The following ARHGAP22 variants were observed in gnomAD, a reference collection of about 807,000 sequenced individuals.
The protein encoded by ARHGAP22 is Rho GTPase activating protein 22.
Under a neutral mutation model 59.1 loss-of-function variants are expected in ARHGAP22, and 48 were observed. The observed-to-expected ratio is 0.81, with a 90% CI of 0.64 to 1.03. The LOEUF (loss-of-function observed/expected upper bound fraction) is 1.03, where lower values mean the gene tolerates loss of function less well. Ranked by LOEUF, ARHGAP22 falls within the 50% of genes least tolerant of loss-of-function variation. The pLI is 0.00. For missense variants in ARHGAP22, 1,015 were observed against 958.7 expected, an observed-to-expected ratio of 1.06 and a Z score of -0.78; for synonymous variants, 445 against 416.4, an observed-to-expected ratio of 1.07 and a Z score of -0.84.
intron 1 of ARHGAP22, among the ~76,000 whole-genome samples, chr10:48,586,482 A>G (rs990597498): frequency 6.6e-6 from 1 of 152,156 alleles, no homozygotes; most frequent in Non-Finnish European, 1.5e-5. Flanking sequence ...TCCATGCAGA[A>G]TTTGTTTCCT....
intron 4 of ARHGAP22, among the ~76,000 whole-genome samples, chr10:48,468,916 A>G (rs2133931709): frequency 6.6e-6 from 1 of 152,232 alleles, no homozygotes; most frequent in South Asian, 2.1e-4. Context: ...GTCACAAGCC[A>G]AGGAATGTCT....
chr10:48,577,800 GGTTT>G (rs2058825674), intron 2 of ARHGAP22, among the ~76,000 whole-genome samples: 1 of 41,954 alleles, frequency 2.4e-5, no homozygotes, highest in Non-Finnish European at 4.0e-5. Flanking sequence ...GCTCTTTTTT[GGTTT>G]TTTTTTTTTT....
intron 3 of ARHGAP22, chr10:48,546,860 G>C (rs1237901481): frequency 1.3e-5 from 2 of 152,194 alleles, no homozygotes; most frequent in Admixed American, 1.3e-4. Context: ...AGCTTATCTA[G>C]ACCAGGTACC....
At chr10:48,490,381 G>C (rs1421050820) in intron 3 of ARHGAP22, among the ~76,000 whole-genome samples, 1 of 152,106 alleles carries the variant, frequency 6.6e-6, no homozygotes, top group Non-Finnish European at 1.5e-5. Context: ...CAGCATCCCT[G>C]ACCTCTGCCC....
chr10:48,641,896 A>G (rs568410880), intron 1 of ARHGAP22, among the ~76,000 whole-genome samples: 1 of 152,252 alleles, frequency 6.6e-6, no homozygotes, highest in African/African-American at 2.4e-5. Context: ...AAGTCTCAGG[A>G]TACAAAATCA....
At chr10:48,510,725 G>A (rs1209344143) in intron 3 of ARHGAP22, 1 of 152,262 alleles carries the variant, frequency 6.6e-6, no homozygotes, top group Non-Finnish European at 1.5e-5. Flanking sequence ...AAACTAAAAT[G>A]AAGTGAGGCA....
chr10:48,468,806 G>A (rs187037141), intron 4 of ARHGAP22, among the ~76,000 whole-genome samples: 25 of 152,242 alleles, frequency 1.6e-4, no homozygotes, highest in Admixed American at 1.5e-3. Context: ...TAAGTATGGG[G>A]GCTAAGGTCC....
intron 3 of ARHGAP22, among the ~76,000 whole-genome samples, chr10:48,485,487 G>C (rs1052790040): frequency 9.9e-5 from 15 of 152,178 alleles, no homozygotes; most frequent in Non-Finnish European, 1.5e-5. Context: ...GTTGGGTGGA[G>C]TGTCCTATAA....
the ARHGAP22 span, chr10:48,435,350 T>G: frequency 1.4e-5 from 3 of 219,238 alleles, no homozygotes; most frequent in Non-Finnish European, 2.7e-5. Context: ...ACTGAATTTG[T>G]AAGATTTTGT....
intron 2 of ARHGAP22, among the ~76,000 whole-genome samples, chr10:48,558,477 C>T (rs2057466663): frequency 1.3e-5 from 2 of 152,120 alleles, no homozygotes; most frequent in Non-Finnish European, 2.9e-5. Flanking sequence ...AGCCTCCCAC[C>T]TCGACCTCTA....
chr10:48,479,508 G>A lies in ARHGAP22; in HGVS notation c.451+128C>T, dbSNP rs568452754. 3.0e-5 allele frequency: 46 copies of A among 1,538,240 alleles called. No individual in the cohort carries two copies. The African/African-American group carries it at 5.3e-4, about 18-fold the overall frequency. On this transcript the variant is annotated intron_variant, in intron 4 of 9. Transcript: ENST00000249601. Reference sequence around the variant, plus strand: ...CTGGCAGTGGAAGGGCCAGCCTGCTGTGAGAAGCACAGGATGCAGCCAGCA... The same window carrying A: ...CTGGCAGTGGAAGGGCCAGCCTGCTATGAGAAGCACAGGATGCAGCCAGCA...
chr10:48,652,947 G>T (rs932851736), upstream of ARHGAP22, among the ~76,000 whole-genome samples: 3 of 152,196 alleles, frequency 2.0e-5, no homozygotes, highest in African/African-American at 7.2e-5. Flanking sequence ...CATCATTACA[G>T]CATAATTTAC....
chr10:48,584,087 A>G (rs1359702590), intron 1 of ARHGAP22, among the ~76,000 whole-genome samples: 1 of 152,154 alleles, frequency 6.6e-6, no homozygotes, highest in Non-Finnish European at 1.5e-5. Context: ...TGCCACAGTG[A>G]TCACTAGGAG....
intron 3 of ARHGAP22, among the ~76,000 whole-genome samples, chr10:48,489,500 C>T (rs1426762984): frequency 6.6e-6 from 1 of 152,210 alleles, no homozygotes; most frequent in Non-Finnish European, 1.5e-5. Context: ...GGACTTTCTA[C>T]AGTGTTCCAT....
intron 1 of ARHGAP22, among the ~76,000 whole-genome samples, chr10:48,587,346 G>A (rs1482736444): frequency 1.3e-5 from 2 of 152,222 alleles, no homozygotes; most frequent in Non-Finnish European, 2.9e-5. Context: ...TCTGGCAGGG[G>A]ACTAAGGAGG....
At chr10:48,490,998 T>C (rs2050336127) in intron 3 of ARHGAP22, among the ~76,000 whole-genome samples, 1 of 152,220 alleles carries the variant, frequency 6.6e-6, no homozygotes, top group South Asian at 2.1e-4. Flanking sequence ...ACTGCTCACC[T>C]GGTCTGGGCC....
intron 3 of ARHGAP22, among the ~76,000 whole-genome samples, chr10:48,503,785 T>C (rs1198132474): frequency 2.0e-5 from 3 of 152,228 alleles, no homozygotes; most frequent in African/African-American, 7.2e-5. Flanking sequence ...GGGGTATGAG[T>C]GGTGCCTGCA....
intron 2 of ARHGAP22, among the ~76,000 whole-genome samples, chr10:48,571,928 T>C (rs1335684422): frequency 6.6e-6 from 1 of 152,200 alleles, no homozygotes; most frequent in Non-Finnish European, 1.5e-5. Context: ...AGAAACATGC[T>C]TGGTTTCTTA....
chr10:48,604,852 C>T lies in ARHGAP22; in HGVS notation c.-56G>A, dbSNP rs1017816674. ...GGCCGTTCATGCTGTCATCCACTTG[C>T]TTTTGCTCGTCCTCGCGCCTAGTCG... On this transcript the variant is annotated 5_prime_UTR_variant, in exon 1 of 10. Coordinates refer to ENST00000249601, the MANE Select transcript of ARHGAP22 (RefSeq NM_021226.4). The T allele has an allele frequency of 1.6e-5, 26 of 1,613,580 alleles. No homozygotes were observed. Among genetic ancestry groups the T allele is most frequent in the Non-Finnish European group, 2.1e-5 (25 of 1,179,984 alleles).
Sources: gnomAD v4.1 joint callset for allele counts (sites outside exome capture counted in the v4.1 genomes callset) on GRCh38, gnomAD v4.1.1 for gene constraint, MANE v1.5 for transcripts, NCBI Gene and HGNC (gene_info 2026-07-23, HGNC 2026-07-21) for gene names.